CYP4F12: variants seen among roughly 807,000 people sequenced by gnomAD.
The protein encoded by CYP4F12 is cytochrome P450 4F12.
A neutral mutation model predicts 56.5 loss-of-function variants in CYP4F12; 60 were observed. The observed-to-expected ratio is 1.06, with a 90% CI of 0.86 to 1.32. CYP4F12 has a LOEUF of 1.32. Among genes scored for constraint, CYP4F12 ranks in the 40% most tolerant of loss-of-function variants. The probability of loss-of-function intolerance (pLI) is 0.00; values close to 1 mark genes in which losing one functional copy is unlikely to be tolerated. For missense variants in CYP4F12, 711 were observed against 683.5 expected (o/e 1.04, Z -0.45); for synonymous variants, 263 against 264.9 (o/e 0.99, Z 0.07).
intron 3 of CYP4F12, among the ~76,000 whole-genome samples, chr19:15,678,828 T>C (rs1231198244): frequency 1.3e-5 from 2 of 152,176 alleles, no homozygotes; most frequent in Non-Finnish European, 2.9e-5. Flanking sequence ...GTGGGCATCA[T>C]TGGTATTTGG....
At chr19:15,675,899 G>A (rs2006897728) in intron 2 of CYP4F12, among the ~76,000 whole-genome samples, 1 of 152,172 alleles carries the variant, frequency 6.6e-6, no homozygotes, top group South Asian at 2.1e-4. Flanking sequence ...TATGTATGGA[G>A]ACAGAAAGAG....
chr19:15,681,523 C>T (rs1382966882), intron 5 of CYP4F12: 1 of 152,178 alleles, frequency 6.6e-6, no homozygotes, highest in African/African-American at 2.4e-5. Flanking sequence ...TCTGAGTCAA[C>T]CTAAATTCCA....
chr19:15,679,177 C>T (rs2007147402), intron 3 of CYP4F12, among the ~76,000 whole-genome samples: 1 of 152,214 alleles, frequency 6.6e-6, no homozygotes, highest in Non-Finnish European at 1.5e-5. Flanking sequence ...CTGTGCAGGT[C>T]ACCAGCTCTC....
At chr19:15,695,505 A>AT (rs961389463) in intron 9 of CYP4F12, among the ~76,000 whole-genome samples, 5 of 63,990 alleles carry the variant, frequency 7.8e-5, no homozygotes, top group African/African-American at 1.6e-4. Context: ...AATAATAATA[A>AT]AAAAAAAAAA....
rs764017281 is a variant in CYP4F12, at chr19:15,680,572, T to G, written c.525+53T>G. 8.1e-6 allele frequency: 13 copies of G among 1,613,034 alleles called. No homozygotes were observed. The African/African-American group carries it at 1.6e-4, about 20-fold the overall frequency. On this transcript the variant is annotated intron_variant, in intron 5 of 12. Coordinates refer to ENST00000550308, the MANE Select transcript of CYP4F12 (RefSeq NM_023944.4). ...ATGGAGTCTTGGGGTGGAGGGACCA[T>G]GGACACATCTGGTCTGGAATTTTGG...
intron 5 of CYP4F12, 61 bp downstream of exon 5, chr19:15,680,580 T>C (rs2144722102): frequency 6.2e-7 from 1 of 1,612,594 alleles, no homozygotes; most frequent in Non-Finnish European, 8.5e-7. Flanking sequence ...CATGGACACA[T>C]CTGGTCTGGA....
chr19:15,685,175 C>T lies in CYP4F12; in HGVS notation c.1093C>T (p.Arg365Cys), dbSNP rs772148676. 6.0e-5 allele frequency: 97 copies of T among 1,613,988 alleles called. No homozygotes were observed. The highest frequency in any genetic ancestry group is 1.6e-4 in the African/African-American group (12 of 74,932). ...GGAGGTGCAAGAGCTTCTGAAGGACCGCGATCCTAAAGAGATTGAATGGTG... is the reference window on the plus strand; with the variant it reads ...GGAGGTGCAAGAGCTTCTGAAGGACTGCGATCCTAAAGAGATTGAATGGTG... ...RQEVQELLKD[R>C]DPKEIEWDDL... is the part of the protein sequence containing the mutation. The change falls in exon 9 of 13, where the codon CGC (arginine) becomes TGC (cysteine). Residue 365 changes from arginine (R) to cysteine (C), a missense_variant. Arg to Cys is a radical substitution (Grantham distance 180). Transcript: ENST00000550308.
Position 15,697,034 on chromosome 19 carries a change from C to G in CYP4F12, c.1524C>G (p.Ala508=). The change falls in exon 13 of 13, where the codon GCC becomes GCG. Residue 508 remains alanine, a synonymous_variant. Transcript: ENST00000550308. ...GGAAGCTGGAATTGATCATGCGCGC[C>G]GAGGGCGGGCTTTGGCTGCGGGTGG... The part of the protein sequence containing the change: ...PRRKLELIMR[A]EGGLWLRVEP... The G allele has an allele frequency of 1.2e-6, 2 of 1,614,118 alleles. No homozygotes were observed. Among genetic ancestry groups the G allele is most frequent in the South Asian group, 1.1e-5 (1 of 91,074 alleles).
chr19:15,696,885 A>G (rs745625461), intron 12 of CYP4F12, 23 bp from the exon 13 acceptor site: 2 of 1,598,052 alleles, frequency 1.3e-6, no homozygotes, highest in African/African-American at 1.3e-5. Context: ...GGGCACAGTC[A>G]CAGTCCCCAC....
intron 9 of CYP4F12, among the ~76,000 whole-genome samples, chr19:15,695,246 G>C (rs8110169): frequency 6.7e-6 from 1 of 150,154 alleles, no homozygotes; most frequent in Admixed American, 6.7e-5. Context: ...GTAAACTATC[G>C]CAAAGACAAA....
rs2144771182 is a variant in CYP4F12, at chr19:15,696,048, G to A, written c.1228G>A (p.Asp410Asn). 6.2e-7 allele frequency: 1 copy of A among 1,613,876 alleles called. No individual in the cohort carries two copies. The highest frequency in any genetic ancestry group is 1.1e-5 in the South Asian group (1 of 91,068). ...CTGCACCCAGGACATTGTTCTCCCAGATGGCCGAGTCATCCCCAAAGGTGC... is the reference window on the plus strand; with the variant it reads ...CTGCACCCAGGACATTGTTCTCCCAAATGGCCGAGTCATCCCCAAAGGTGC... ...RCCTQDIVLPDGRVIPKGITC... is the reference protein window; with the variant it reads ...RCCTQDIVLPNGRVIPKGITC... Residue 410 changes from aspartate to asparagine, a missense_variant, in exon 10 of 13, where the codon GAT becomes AAT. Asp to Asn is a conservative substitution (Grantham distance 23). Coordinates refer to ENST00000550308, the MANE Select transcript of CYP4F12 (RefSeq NM_023944.4).
rs113797027 is a variant in CYP4F12, at chr19:15,683,376, T to C, written c.648-117T>C. On this transcript the variant is annotated intron_variant, in intron 6 of 12. Transcript: ENST00000550308. Reference sequence around the variant, plus strand: ...TACCCACCATGTATCTCTAGGACCATCTATTTCTAGATACTCAGTTTCCTG... The same window carrying C: ...TACCCACCATGTATCTCTAGGACCACCTATTTCTAGATACTCAGTTTCCTG... 4.3e-3 allele frequency: 4,819 copies of C among 1,111,762 alleles called. 3 individuals carry two copies. In the African/African-American group the frequency reaches 0.068, roughly 16 times the overall value. 68.9% of individuals were successfully genotyped at this position (1,111,762 alleles called of 1,614,324 possible). A position where few individuals can be genotyped will look rare whatever the true frequency, so the allele number is the denominator to read the frequency against.
Position 15,680,264 on chromosome 19 carries a change from A to G in CYP4F12, c.364A>G (p.Asn122Asp), listed in dbSNP as rs114254919. Residue 122 changes from asparagine to aspartate, a missense_variant, in exon 4 of 13, where the codon AAT (asparagine) becomes GAT (aspartate). Transcript: ENST00000550308. ...NASAAIAPKD[N>D]LFIRFLKPWL... ...GTCAGCTGCCATTGCACCCAAGGAT[A>G]ATCTCTTCATCAGGTTCCTGAAGCC... The G allele has an allele frequency of 4.0e-3, 6,363 of 1,606,586 alleles. 39 individuals carry two copies. In the African/African-American group the frequency reaches 0.076, roughly 19 times the overall value.
rs375457014 is a variant in CYP4F12 at position 15,694,925 on chromosome 19, A to G, written c.1116-1011A>G. Among the ~76,000 whole-genome samples the G allele has an allele frequency of 9.2e-5, 14 of 152,356 alleles. No individual in the cohort carries two copies. The East Asian group carries it at 2.5e-3, about 27-fold the overall frequency. The stretch of plus-strand genomic sequence containing the variant: ...GGTGGGACTGTAAACTAGTTCAACC[A>G]TGGTGGAAGTCAGTGTGGCGATTCC... On this transcript the variant is annotated intron_variant, in intron 9 of 12. Coordinates refer to ENST00000550308, the MANE Select transcript of CYP4F12 (RefSeq NM_023944.4).
At chr19:15,689,343 C>T (rs583946) in intron 9 of CYP4F12, among the ~76,000 whole-genome samples, 44,250 of 151,734 alleles carry the variant, frequency 0.29, 7,167 homozygotes, top group African/African-American at 0.42. Flanking sequence ...CAAACAGCCA[C>T]GAAACATATG....
At chr19:15,680,991 T>C (rs921403762) in intron 5 of CYP4F12, 2 of 258,430 alleles carry the variant, frequency 7.7e-6, no homozygotes, top group Non-Finnish European at 1.5e-5. Flanking sequence ...CTTCAGTACC[T>C]TCAGACTCAT....
At chr19:15,691,682 A>G (rs1271364290) in intron 9 of CYP4F12, among the ~76,000 whole-genome samples, 1 of 148,372 alleles carries the variant, frequency 6.7e-6, no homozygotes, top group Non-Finnish European at 1.5e-5. Context: ...AAGAATGTGT[A>G]TCACAATTAA....
intron 3 of CYP4F12, among the ~76,000 whole-genome samples, chr19:15,679,268 G>C (rs1195028623): frequency 6.6e-6 from 1 of 152,244 alleles, no homozygotes; most frequent in East Asian, 1.9e-4. Flanking sequence ...AGTCAAAGGA[G>C]TGTAAATTTC....
At chr19:15,694,589 G>T (rs2008033275) in intron 9 of CYP4F12, among the ~76,000 whole-genome samples, 1 of 152,142 alleles carries the variant, frequency 6.6e-6, no homozygotes, top group Non-Finnish European at 1.5e-5. Flanking sequence ...GAGATTTTGG[G>T]CTGAGACAAT....
Sources: allele counts gnomAD v4.1 joint callset (sites outside exome capture counted in the v4.1 genomes callset), GRCh38; gene constraint gnomAD v4.1.1; transcripts MANE v1.5; gene names NCBI Gene and HGNC (gene_info 2026-07-23, HGNC 2026-07-21).